SPATA16: variants seen among roughly 807,000 people sequenced by gnomAD.
SPATA16 encodes the protein spermatogenesis-associated protein 16.
In SPATA16, 36 loss-of-function variants were observed where a neutral mutation model predicts 63.3. The observed-to-expected ratio is 0.57, with a 90% CI of 0.44 to 0.75. SPATA16 has a LOEUF of 0.75. Ranked by LOEUF, SPATA16 falls within the 30% of genes least tolerant of loss-of-function variation. The pLI, the probability that SPATA16 is intolerant of heterozygous loss-of-function variation, is 0.00. For missense variants in SPATA16, 646 were observed against 679.3 expected, an observed-to-expected ratio of 0.95 and a Z score of 0.54; for synonymous variants, 203 against 216.7, an observed-to-expected ratio of 0.94 and a Z score of 0.56.
intron 10 of SPATA16, among the ~76,000 whole-genome samples, chr3:172,910,546 G>A (rs77693129): frequency 1.7e-3 from 254 of 151,928 alleles, no homozygotes; most frequent in Admixed American, 0.012. Flanking sequence ...GACAAAAATA[G>A]ATAACATACT....
At chr3:173,077,776 C>T (rs1008600943) in intron 2 of SPATA16, among the ~76,000 whole-genome samples, 6 of 152,130 alleles carry the variant, frequency 3.9e-5, no homozygotes, top group Non-Finnish European at 8.8e-5. Flanking sequence ...GAAAGATTCA[C>T]CCAGACATAT....
intron 2 of SPATA16, among the ~76,000 whole-genome samples, chr3:173,072,730 G>T (rs1736703236): frequency 6.6e-6 from 1 of 152,120 alleles, no homozygotes; most frequent in Admixed American, 6.6e-5. Flanking sequence ...TTTATCAGCA[G>T]CATGAAAATG....
At chr3:173,093,091 G>T (rs952644297) in intron 2 of SPATA16, among the ~76,000 whole-genome samples, 1 of 145,344 alleles carries the variant, frequency 6.9e-6, no homozygotes. Context: ...ATATATATAT[G>T]TTTCAAGTTA....
At chr3:172,918,829 G>C (rs1732557307) in intron 8 of SPATA16, among the ~76,000 whole-genome samples, 1 of 152,090 alleles carries the variant, frequency 6.6e-6, no homozygotes, top group South Asian at 2.1e-4. Flanking sequence ...CTAGGTGATA[G>C]CAAGTTCAAG....
chr3:172,889,835 C>A (rs1731857976), intron 10 of SPATA16, 143 bp from the exon 11 acceptor site: 1 of 1,184,216 alleles, frequency 8.4e-7, no homozygotes. Context: ...AATGATTACA[C>A]ATAAAAGCCT....
chr3:172,983,098 A>G (rs1209615305), intron 4 of SPATA16, among the ~76,000 whole-genome samples: 1 of 152,192 alleles, frequency 6.6e-6, no homozygotes, highest in Non-Finnish European at 1.5e-5. Context: ...ACCTCCACAG[A>G]AGGACATTGC....
intron 6 of SPATA16, among the ~76,000 whole-genome samples, chr3:172,945,053 G>C (rs191105369): frequency 7.9e-4 from 120 of 152,304 alleles, no homozygotes; most frequent in African/African-American, 2.8e-3. Flanking sequence ...TACCTCTGGA[G>C]GGGAGGGAGT....
chr3:173,090,429 T>A (rs948981970), intron 2 of SPATA16, among the ~76,000 whole-genome samples: 19 of 152,156 alleles, frequency 1.2e-4, no homozygotes, highest in African/African-American at 4.6e-4. Flanking sequence ...TTACCCAGTC[T>A]CAGGTATTTC....
intron 1 of SPATA16, among the ~76,000 whole-genome samples, chr3:173,133,564 GTTAC>G (rs1738442699): frequency 1.3e-5 from 2 of 152,166 alleles, no homozygotes; most frequent in South Asian, 4.1e-4. Flanking sequence ...GAGCTTCCAA[GTTAC>G]TTACTTGTTC....
intron 4 of SPATA16, among the ~76,000 whole-genome samples, chr3:173,005,374 T>C (rs1330602776): frequency 6.8e-6 from 1 of 146,352 alleles, no homozygotes; most frequent in Non-Finnish European, 1.5e-5. Context: ...GAGGACATGA[T>C]TGAAAGGGAG....
At chr3:173,046,530 A>G (rs1057396266) in intron 3 of SPATA16, among the ~76,000 whole-genome samples, 3 of 152,032 alleles carry the variant, frequency 2.0e-5, no homozygotes, top group African/African-American at 7.2e-5. Context: ...TCCTAAAAAT[A>G]TGCAGTAGAC....
intron 8 of SPATA16, among the ~76,000 whole-genome samples, chr3:172,920,740 G>A (rs1732598525): frequency 2.0e-5 from 3 of 152,034 alleles, no homozygotes; most frequent in Non-Finnish European, 2.9e-5. Context: ...ATATGTTTAG[G>A]GAACAGATCA....
chr3:173,076,596 T>G (rs972976090), intron 2 of SPATA16, among the ~76,000 whole-genome samples: 1 of 152,106 alleles, frequency 6.6e-6, no homozygotes, highest in Non-Finnish European at 1.5e-5. Context: ...AAAAATTATT[T>G]TAAACAGCTG....
chr3:173,089,723 C>A (rs943194348), intron 2 of SPATA16, among the ~76,000 whole-genome samples: 1 of 152,046 alleles, frequency 6.6e-6, no homozygotes, highest in Non-Finnish European at 1.5e-5. Flanking sequence ...GAGAAAAGCA[C>A]TGAATTGGAA....
chr3:173,024,209 A>G (rs2108279525), intron 3 of SPATA16, among the ~76,000 whole-genome samples: 1 of 151,750 alleles, frequency 6.6e-6, no homozygotes, highest in South Asian at 2.1e-4. Flanking sequence ...TATCGCAATA[A>G]TTTAATTTTA....
intron 3 of SPATA16, among the ~76,000 whole-genome samples, chr3:173,032,370 T>C (rs925722027): frequency 9.2e-5 from 14 of 152,138 alleles, no homozygotes; most frequent in African/African-American, 3.1e-4. Context: ...AGAAATGTTA[T>C]ATGGTCTATC....
chr3:172,974,359 G>A (rs983310908), intron 5 of SPATA16, among the ~76,000 whole-genome samples: 17 of 152,014 alleles, frequency 1.1e-4, no homozygotes, highest in Non-Finnish European at 1.5e-5. Flanking sequence ...CTATAAAAGT[G>A]CATGAAAATA....
chr3:173,063,054 G>A lies in SPATA16; in HGVS notation c.613-13960C>T, dbSNP rs144438083. On this transcript the variant is annotated intron_variant, in intron 2 of 10. Transcript: ENST00000351008. The stretch of plus-strand genomic sequence containing the variant: ...GGACCCCTGTCTTAGAGGAACAAAT[G>A]TGAATTCCAACAGCTATTACTAATA... Among the ~76,000 whole-genome samples, 460 of 152,278 alleles carry A rather than the reference G, an allele frequency of 3.0e-3. 4 individuals carry two copies. The highest frequency in any genetic ancestry group is 0.01 in the African/African-American group (430 of 41,546).
chr3:173,099,823 G>A (rs1737447820), intron 2 of SPATA16, among the ~76,000 whole-genome samples: 1 of 152,122 alleles, frequency 6.6e-6, no homozygotes, highest in African/African-American at 2.4e-5. Flanking sequence ...TGCGCTTATG[G>A]AGAGGTCAAA....
Sources: gnomAD v4.1 joint callset for allele counts (sites outside exome capture counted in the v4.1 genomes callset) on GRCh38, gnomAD v4.1.1 for gene constraint, MANE v1.5 for transcripts, NCBI Gene and HGNC (gene_info 2026-07-23, HGNC 2026-07-21) for gene names.